The following MGMT variants were observed in gnomAD, a reference collection of about 807,000 sequenced individuals.
MGMT encodes O-6-methylguanine-DNA methyltransferase.
Under a neutral mutation model 15.9 loss-of-function variants are expected in MGMT, and 14 were observed. That is an observed-to-expected ratio of 0.88 (90% CI 0.58 to 1.37). MGMT has a LOEUF of 1.37. Ranked by LOEUF, MGMT falls within the 40% of genes most tolerant of loss-of-function variation. MGMT has a pLI of 0.00. For synonymous variants in MGMT, 130 were observed against 118.2 expected (o/e 1.10, Z -0.65); for missense variants, 282 against 268.1 (o/e 1.05, Z -0.36).
intron 3 of MGMT, among the ~76,000 whole-genome samples, chr10:129,716,264 T>C (rs1042389607): frequency 3.3e-5 from 5 of 152,202 alleles, no homozygotes; most frequent in African/African-American, 4.8e-5. Flanking sequence ...AAGCACCCAC[T>C]CTGGCGAGCC....
chr10:129,615,775 G>T (rs1436167190), intron 2 of MGMT, among the ~76,000 whole-genome samples: 2 of 152,156 alleles, frequency 1.3e-5, no homozygotes, highest in Non-Finnish European at 2.9e-5. Context: ...GGCATTAGAG[G>T]ATAGGATCCT....
intron 2 of MGMT, among the ~76,000 whole-genome samples, chr10:129,574,430 A>T (rs1846455864): frequency 6.6e-6 from 1 of 152,212 alleles, no homozygotes; most frequent in Admixed American, 6.5e-5. Flanking sequence ...GAAACTTCAT[A>T]AGATTTTGCT....
chr10:129,684,101 A>G lies in MGMT; in HGVS notation c.126-23794A>G, dbSNP rs562618587. 7.2e-5 allele frequency among the ~76,000 whole-genome samples: 11 copies of G among 152,344 alleles called. No individual in the cohort carries two copies. The South Asian group carries it at 2.3e-3, about 32-fold the overall frequency. ...TTTCCATCTCATTAATTCAGTCTAC[A>G]TACAATTAATTTTTGCCTATTAATA... On this transcript the variant is annotated intron_variant, in intron 2 of 4. Transcript: ENST00000651593.
chr10:129,667,838 T>C (rs1412594738), intron 2 of MGMT, among the ~76,000 whole-genome samples: 1 of 152,264 alleles, frequency 6.6e-6, no homozygotes, highest in Non-Finnish European at 1.5e-5. Context: ...TTTTCATTTC[T>C]ATAATGACTA....
intron 3 of MGMT, among the ~76,000 whole-genome samples, chr10:129,711,825 C>T (rs1351692754): frequency 6.6e-6 from 1 of 152,118 alleles, no homozygotes; most frequent in Non-Finnish European, 1.5e-5. Context: ...CATTTTTCCT[C>T]AAGAAATACT....
intron 2 of MGMT, among the ~76,000 whole-genome samples, chr10:129,575,225 A>T (rs936839411): frequency 5.9e-5 from 9 of 152,140 alleles, no homozygotes. Flanking sequence ...AATCAACAGA[A>T]TATACTTTTT....
chr10:129,704,525 C>T (rs77317941), intron 2 of MGMT, among the ~76,000 whole-genome samples: 7,709 of 152,186 alleles, frequency 0.051, 669 homozygotes, highest in African/African-American at 0.18. Flanking sequence ...GGGGCATGTT[C>T]TGTCTGGCCG....
At chr10:129,552,927 A>G (rs1054256551) in intron 2 of MGMT, among the ~76,000 whole-genome samples, 1 of 152,200 alleles carries the variant, frequency 6.6e-6, no homozygotes, top group Admixed American at 6.5e-5. Context: ...TGTATATTAC[A>G]TGAAAAACTA....
At chr10:129,627,461 A>G (rs1317524925) in intron 2 of MGMT, among the ~76,000 whole-genome samples, 1 of 152,094 alleles carries the variant, frequency 6.6e-6, no homozygotes, top group Non-Finnish European at 1.5e-5. Flanking sequence ...TGAAGAATTC[A>G]GTTTTTCGCC....
intron 1 of MGMT, among the ~76,000 whole-genome samples, chr10:129,521,015 A>G (rs867736352): frequency 6.7e-6 from 1 of 148,910 alleles, no homozygotes; most frequent in African/African-American, 2.5e-5. Context: ...CCCCTACGGC[A>G]CGCAGGCTTG....
intron 2 of MGMT, among the ~76,000 whole-genome samples, chr10:129,607,348 C>G (rs1452763717): frequency 1.3e-5 from 2 of 151,904 alleles, no homozygotes; most frequent in Non-Finnish European, 2.9e-5. Context: ...GGCTGAAGTT[C>G]CTTTCTACCT....
At chr10:129,707,842 T>C (rs1270076705) in intron 2 of MGMT, 53 bp from the exon 3 acceptor site, 16 of 1,605,236 alleles carry the variant, frequency 1.0e-5, no homozygotes, top group Admixed American at 1.7e-5. Context: ...GCTTTTCCGA[T>C]GTGTGGAGGC....
At chr10:129,671,883 GT>G (rs1403571767) in intron 2 of MGMT, among the ~76,000 whole-genome samples, 1 of 152,202 alleles carries the variant, frequency 6.6e-6, no homozygotes, top group Non-Finnish European at 1.5e-5. Flanking sequence ...ATGGACATGA[GT>G]TTGGCAAATA....
intron 1 of MGMT, among the ~76,000 whole-genome samples, chr10:129,525,713 C>G (rs1157110810): frequency 6.6e-6 from 1 of 152,232 alleles, no homozygotes; most frequent in East Asian, 1.9e-4. Flanking sequence ...TAAGCCAAGA[C>G]ATGAGCAGCG....
rs564482696 is a variant in MGMT at position 129,498,962 on chromosome 10, G to T, written c.-13+31666G>T. Among the ~76,000 whole-genome samples, 17 of 152,296 alleles carry T rather than the reference G, an allele frequency of 1.1e-4. 1 individual carries two copies. The East Asian group carries it at 1.5e-3, about 14-fold the overall frequency. On this transcript the variant is annotated intron_variant, in intron 1 of 4. Coordinates refer to ENST00000651593, the MANE Select transcript of MGMT (RefSeq NM_002412.5). ...GCTGTCTGCATGCATGTTAAAAACT[G>T]CAAGTTCATCTGATGCCTCTAACTT...
At chr10:129,486,541 T>A (rs1402107278) in intron 1 of MGMT, among the ~76,000 whole-genome samples, 1 of 152,154 alleles carries the variant, frequency 6.6e-6, no homozygotes, top group Non-Finnish European at 1.5e-5. Flanking sequence ...ACTCAGTCTT[T>A]CCCTGTACTG....
intron 3 of MGMT, among the ~76,000 whole-genome samples, chr10:129,710,679 T>C (rs1398448183): frequency 6.6e-6 from 1 of 152,204 alleles, no homozygotes; most frequent in East Asian, 1.9e-4. Flanking sequence ...TGGTTTGCTC[T>C]CTGTCCAGGT....
At chr10:129,651,963 GGT>G (rs58722102) in intron 2 of MGMT, among the ~76,000 whole-genome samples, 11,577 of 152,234 alleles carry the variant, frequency 0.076, 1,006 homozygotes, top group African/African-American at 0.21. Context: ...CCGGTGGCGT[GGT>G]GTGATGTTCA....
At chr10:129,677,076 G>A (rs962233912) in intron 2 of MGMT, among the ~76,000 whole-genome samples, 3 of 152,132 alleles carry the variant, frequency 2.0e-5, no homozygotes, top group Non-Finnish European at 4.4e-5. Flanking sequence ...CTGCAGCCTG[G>A]GCATGTGGTA....
Sources: gnomAD v4.1 joint callset for allele counts (sites outside exome capture counted in the v4.1 genomes callset) on GRCh38, gnomAD v4.1.1 for gene constraint, MANE v1.5 for transcripts, NCBI Gene and HGNC (gene_info 2026-07-23, HGNC 2026-07-21) for gene names.